MAP3K20: variants seen among roughly 807,000 people sequenced by gnomAD.
MAP3K20 encodes mitogen-activated protein kinase kinase kinase 20.
MAP3K20 carries 40 observed loss-of-function variants against 85.7 expected under a neutral mutation model. That is an observed-to-expected ratio of 0.47 (90% CI 0.36 to 0.61). The LOEUF is 0.61. Among genes scored for constraint, MAP3K20 ranks in the 20% least tolerant of loss-of-function variants. The pLI is 0.00. For synonymous variants in MAP3K20, 325 were observed against 327.7 expected (o/e 0.99, Z 0.09); for missense variants, 817 against 961.7 (o/e 0.85, Z 1.99).
At chr2:173,086,372 T>A (rs1340344603) in intron 1 of MAP3K20, among the ~76,000 whole-genome samples, 2 of 151,968 alleles carry the variant, frequency 1.3e-5, no homozygotes, top group African/African-American at 4.8e-5. Context: ...GGGGAAAAAA[T>A]ATATATATGG....
chr2:173,092,775 G>A (rs1481355239), intron 2 of MAP3K20, among the ~76,000 whole-genome samples: 3 of 151,988 alleles, frequency 2.0e-5, no homozygotes, highest in East Asian at 3.9e-4. Flanking sequence ...ATTGTAACCC[G>A]TTCACTCCAC....
At chr2:173,204,504 A>G (rs142238323) in intron 9 of MAP3K20, among the ~76,000 whole-genome samples, 3 of 152,350 alleles carry the variant, frequency 2.0e-5, no homozygotes, top group Non-Finnish European at 4.4e-5. Flanking sequence ...GAGCTCCACA[A>G]TAGAGTTGGA....
intron 4 of MAP3K20, among the ~76,000 whole-genome samples, chr2:173,185,770 A>G (rs1574088499): frequency 6.6e-6 from 1 of 152,226 alleles, no homozygotes; most frequent in East Asian, 1.9e-4. Flanking sequence ...ACCAGCAAGT[A>G]TATCTGAAAT....
chr2:173,106,405 T>C (rs1329667091), intron 2 of MAP3K20, among the ~76,000 whole-genome samples: 1 of 152,214 alleles, frequency 6.6e-6, no homozygotes, highest in Non-Finnish European at 1.5e-5. Context: ...CAGTAGATTT[T>C]TGACAAAGAT....
Position 173,263,770 on chromosome 2 carries a change from C to T in MAP3K20, c.1577C>T (p.Thr526Ile), listed in dbSNP as rs769706966. Residue 526 changes from threonine to isoleucine, a missense_variant, in exon 19 of 20, where the codon ACT (threonine) becomes ATT (isoleucine). By Grantham distance (89) the Thr-to-Ile change is moderately conservative. Transcript: ENST00000375213. ...AGTGATGTTAGAACTCCAAAAAGCA[C>T]TAAACATGTCCATTCGATTCAGTGG... ...YESDVRTPKS[T>I]KHVHSIQWSR... The T allele has an allele frequency of 6.8e-6, 11 of 1,608,978 alleles. No individual in the cohort carries two copies. The East Asian group carries it at 2.2e-4, about 33-fold the overall frequency.
At chr2:173,120,884 T>TG (rs1474924642) in intron 2 of MAP3K20, among the ~76,000 whole-genome samples, 2 of 151,852 alleles carry the variant, frequency 1.3e-5, no homozygotes, top group African/African-American at 2.4e-5. Context: ...AATTTTTTTG[T>TG]ATTTTAGTAG....
rs572493793 is a variant in MAP3K20 at position 173,110,178 on chromosome 2, AAT to A, written c.159+18996_159+18997del. Among the ~76,000 whole-genome samples, 168 of 137,452 alleles carry A rather than the reference AAT, an allele frequency of 1.2e-3. 2 individuals carry two copies. Among genetic ancestry groups the A allele is most frequent in the African/African-American group, 4.4e-3 (161 of 36,944 alleles). The allele number at this position is 137,452 out of a possible 152,430, so 90.2% of individuals were successfully genotyped here. A position where few individuals can be genotyped will look rare whatever the true frequency, so the allele number is the denominator to read the frequency against. On this transcript the variant is annotated intron_variant, in intron 2 of 19. Coordinates refer to ENST00000375213, the MANE Select transcript of MAP3K20 (RefSeq NM_016653.3). ...ACAACTTGATATATATAAATAATAA[AAT>A]ATATATAATATATGTTATACATATA... is the stretch of plus-strand genomic sequence containing the variant.
At chr2:173,194,964 A>G (rs1238848148) in intron 7 of MAP3K20, among the ~76,000 whole-genome samples, 1 of 152,106 alleles carries the variant, frequency 6.6e-6, no homozygotes, top group Non-Finnish European at 1.5e-5. Flanking sequence ...TGTGCTGTGA[A>G]TGCCAGAAGT....
chr2:173,122,938 A>G (rs1050993245), intron 2 of MAP3K20, among the ~76,000 whole-genome samples: 1 of 152,340 alleles, frequency 6.6e-6, no homozygotes, highest in African/African-American at 2.4e-5. Context: ...TTACTGGTCT[A>G]CAAAGGAAAA....
intron 10 of MAP3K20, chr2:173,214,463 T>G (rs1574120959): frequency 1.3e-5 from 2 of 152,218 alleles, no homozygotes; most frequent in African/African-American, 4.8e-5. Context: ...GTGTTTCCCG[T>G]GGTGACCAAA....
At chr2:173,212,043 T>C (rs1683914975) in intron 10 of MAP3K20, 1 of 152,206 alleles carries the variant, frequency 6.6e-6, no homozygotes, top group Non-Finnish European at 1.5e-5. Context: ...CAGCATTTGC[T>C]CCGTAAATAT....
chr2:173,091,249 A>G (rs1281354759), intron 2 of MAP3K20, 59 bp downstream of exon 2: 2 of 1,560,280 alleles, frequency 1.3e-6, no homozygotes, highest in East Asian at 4.5e-5. Context: ...AGCTTTTTCA[A>G]CCTCGAGTTA....
intron 2 of MAP3K20, among the ~76,000 whole-genome samples, chr2:173,153,316 C>G (rs1689359647): frequency 6.6e-6 from 1 of 152,172 alleles, no homozygotes; most frequent in Non-Finnish European, 1.5e-5. Flanking sequence ...CCTCTGAATA[C>G]TCACACAATT....
At chr2:173,108,043 G>T (rs761883567) in intron 2 of MAP3K20, among the ~76,000 whole-genome samples, 1 of 151,856 alleles carries the variant, frequency 6.6e-6, no homozygotes, top group Non-Finnish European at 1.5e-5. Flanking sequence ...CTCTATGGTG[G>T]TTTCTCATCC....
intron 16 of MAP3K20, among the ~76,000 whole-genome samples, chr2:173,240,422 C>G (rs757499125): frequency 2.2e-4 from 34 of 152,200 alleles, no homozygotes; most frequent in Non-Finnish European, 4.6e-4. Flanking sequence ...TCCTGGGAAC[C>G]AGTGCCTGGG....
intron 11 of MAP3K20, among the ~76,000 whole-genome samples, chr2:173,227,465 A>T (rs981645987): frequency 6.6e-6 from 1 of 152,200 alleles, no homozygotes; most frequent in Non-Finnish European, 1.5e-5. Flanking sequence ...CCGTCTTGCC[A>T]AATTCAAGCT....
intron 2 of MAP3K20, among the ~76,000 whole-genome samples, chr2:173,137,141 G>C (rs1210266499): frequency 6.6e-6 from 1 of 152,204 alleles, no homozygotes; most frequent in Non-Finnish European, 1.5e-5. Context: ...TGTGTTTGTA[G>C]CTGGCGAGTG....
rs34591170 is a variant in MAP3K20, at chr2:173,138,157, G to A, written c.160-31648G>A. ...TAATTTTTTTTGTATTTTCAGTAGAGACGGGGTTTCATTATGTTAGCCAAA... is the reference window on the plus strand; with the variant it reads ...TAATTTTTTTTGTATTTTCAGTAGAAACGGGGTTTCATTATGTTAGCCAAA... On this transcript the variant is annotated intron_variant, in intron 2 of 19. Transcript: ENST00000375213. Among the ~76,000 whole-genome samples, 1,023 of 152,148 alleles carry A rather than the reference G, an allele frequency of 6.7e-3. 9 individuals carry two copies. The highest frequency in any genetic ancestry group is 0.011 in the Non-Finnish European group (779 of 68,000).
chr2:173,236,892 G>C (rs1181442348), intron 14 of MAP3K20, among the ~76,000 whole-genome samples: 1 of 152,108 alleles, frequency 6.6e-6, no homozygotes, highest in Non-Finnish European at 1.5e-5. Context: ...CTGATGGTAA[G>C]AATGCATCCT....
Sources: allele counts gnomAD v4.1 joint callset (sites outside exome capture counted in the v4.1 genomes callset), GRCh38; gene constraint gnomAD v4.1.1; transcripts MANE v1.5; gene names NCBI Gene and HGNC (gene_info 2026-07-23, HGNC 2026-07-21).